Variants in CACNG2 observed in about 807,000 individuals in gnomAD.
CACNG2 encodes the protein calcium voltage-gated channel auxiliary subunit gamma 2.
In CACNG2, 3 loss-of-function variants were observed where a neutral mutation model predicts 25.9. The ratio of observed to expected loss-of-function variants is 0.12; its 90% CI spans 0.05 to 0.30. The LOEUF (loss-of-function observed/expected upper bound fraction) is 0.30. Ranked by LOEUF, CACNG2 falls within the 10% of genes least tolerant of loss-of-function variation. CACNG2 has a pLI of 1.00. For missense variants in CACNG2, 341 were observed against 432.5 expected (o/e 0.79, Z 1.88); for synonymous variants, 167 against 173.3 (o/e 0.96, Z 0.29).
intron 2 of CACNG2, among the ~76,000 whole-genome samples, chr22:36,574,449 G>C (rs1363822691): frequency 2.6e-5 from 4 of 152,144 alleles, no homozygotes; most frequent in Non-Finnish European, 5.9e-5. Context: ...AACCACTTAG[G>C]GGGACTGGGA....
At chr22:36,596,789 T>C (rs1045956484) in intron 1 of CACNG2, among the ~76,000 whole-genome samples, 2 of 151,998 alleles carry the variant, frequency 1.3e-5, no homozygotes, top group African/African-American at 4.8e-5. Flanking sequence ...ACAGGGTCTC[T>C]CTCTGTTGCC....
At chr22:36,625,179 C>A (rs540049256) in intron 1 of CACNG2, among the ~76,000 whole-genome samples, 2 of 152,004 alleles carry the variant, frequency 1.3e-5, no homozygotes, top group African/African-American at 4.8e-5. Flanking sequence ...GAATGCAGGA[C>A]GTTTCAAAAA....
intron 2 of CACNG2, among the ~76,000 whole-genome samples, chr22:36,576,799 ACACTGAT>A (rs1935324014): frequency 6.6e-6 from 1 of 152,024 alleles, no homozygotes; most frequent in Non-Finnish European, 1.5e-5. Flanking sequence ...TGTGATGGGG[ACACTGAT>A]CATCTCACCC....
intron 1 of CACNG2, among the ~76,000 whole-genome samples, chr22:36,702,015 C>G (rs1409092505): frequency 2.0e-5 from 3 of 152,088 alleles, no homozygotes; most frequent in Non-Finnish European, 4.4e-5. Flanking sequence ...ATTTTACCCT[C>G]TCATAGATGG....
intron 1 of CACNG2, among the ~76,000 whole-genome samples, chr22:36,656,033 C>G (rs897029182): frequency 6.6e-6 from 1 of 152,088 alleles, no homozygotes; most frequent in Non-Finnish European, 1.5e-5. Context: ...GTCTTGAACT[C>G]CTGACCTCAG....
Position 36,564,640 on chromosome 22 carries a change from C to G in CACNG2, c.683G>C (p.Ser228Thr), listed in dbSNP as rs1250674878. The change falls in exon 4 of 4, where the codon AGC becomes ACC. Residue 228 changes from serine to threonine, a missense_variant. This residue lies in a region of CACNG2 where 172 missense variants were observed against 178.1 expected (regional missense o/e 0.97). Transcript: ENST00000300105. The surrounding 1 kb of genome is among the most constrained non-coding windows in gnomAD (Gnocchi z 6.7). ...LQASAITRIP[S>T]YRYRYQRRSR... is the part of the protein sequence containing the mutation. ...GCGGCGCTGGTAGCGGTAGCGGTAG[C>G]TGGGGATGCGGGTGATGGCAGAGGC... The G allele has an allele frequency of 6.2e-7, 1 of 1,613,746 alleles. No individual in the cohort carries two copies. The highest frequency in any genetic ancestry group is 1.7e-5 in the Admixed American group (1 of 59,994).
At chr22:36,575,580 A>G (rs1935299474) in intron 2 of CACNG2, among the ~76,000 whole-genome samples, 1 of 151,616 alleles carries the variant, frequency 6.6e-6, no homozygotes, top group South Asian at 2.1e-4. Flanking sequence ...CCTGCTGTGC[A>G]CTCTTTGCCT....
rs148309106 is a variant in CACNG2, at chr22:36,691,080, G to A, written c.211+11286C>T. Among the ~76,000 whole-genome samples, 5 of 152,322 alleles carry A rather than the reference G, an allele frequency of 3.3e-5. 1 individual carries two copies. The highest frequency in any genetic ancestry group is 6.8e-3 in the Middle Eastern group (2 of 294). Reference sequence around the variant, plus strand: ...CCTAGGACAGCACCTGGCAATGGTAGTAACTTGGTAAATTTTGTTGAAGAA... The same window carrying A: ...CCTAGGACAGCACCTGGCAATGGTAATAACTTGGTAAATTTTGTTGAAGAA... On this transcript the variant is annotated intron_variant, in intron 1 of 3. Coordinates refer to ENST00000300105, the MANE Select transcript of CACNG2 (RefSeq NM_006078.5).
intron 1 of CACNG2, among the ~76,000 whole-genome samples, chr22:36,621,714 C>T (rs988818227): frequency 1.7e-4 from 26 of 152,186 alleles, no homozygotes; most frequent in African/African-American, 6.0e-4. Flanking sequence ...GCACATACTC[C>T]CCTGTGCTCC....
chr22:36,637,643 A>G (rs920043047), intron 1 of CACNG2, among the ~76,000 whole-genome samples: 2 of 152,254 alleles, frequency 1.3e-5, no homozygotes, highest in African/African-American at 4.8e-5. Flanking sequence ...CTTATTTTCC[A>G]GTTGAAGAAA....
intron 2 of CACNG2, among the ~76,000 whole-genome samples, chr22:36,586,601 C>A (rs1164022656): frequency 2.0e-5 from 3 of 152,142 alleles, no homozygotes; most frequent in Non-Finnish European, 4.4e-5. Context: ...CTACATGCTT[C>A]ATAAAAGTGA....
At chr22:36,674,314 A>T (rs1936994296) in intron 1 of CACNG2, among the ~76,000 whole-genome samples, 1 of 152,094 alleles carries the variant, frequency 6.6e-6, no homozygotes, top group African/African-American at 2.4e-5. Context: ...TTTCATTCTT[A>T]AACTACACCT....
chr22:36,612,251 A>G (rs1482811751), intron 1 of CACNG2, among the ~76,000 whole-genome samples: 2 of 152,222 alleles, frequency 1.3e-5, no homozygotes, highest in African/African-American at 2.4e-5. Flanking sequence ...GAATACAATG[A>G]TAAGTATCTA....
At chr22:36,683,853 A>AC (rs1350219603) in intron 1 of CACNG2, among the ~76,000 whole-genome samples, 3 of 151,250 alleles carry the variant, frequency 2.0e-5, no homozygotes, top group Non-Finnish European at 2.9e-5. Context: ...CTCTCTCTCC[A>AC]CCCCCCGCGA....
chr22:36,595,241 T>C (rs1003776408), intron 1 of CACNG2, among the ~76,000 whole-genome samples: 2 of 152,048 alleles, frequency 1.3e-5, no homozygotes, highest in African/African-American at 4.8e-5. Context: ...ACACTGTCCC[T>C]GGGGGTGGGA....
intron 1 of CACNG2, among the ~76,000 whole-genome samples, chr22:36,620,216 T>C (rs1441777700): frequency 6.6e-6 from 1 of 152,224 alleles, no homozygotes; most frequent in African/African-American, 2.4e-5. Context: ...AGACAAGTAG[T>C]TGGACACCTC....
intron 1 of CACNG2, among the ~76,000 whole-genome samples, chr22:36,690,343 G>A (rs541808439): frequency 7.0e-6 from 1 of 142,112 alleles, no homozygotes; most frequent in African/African-American, 2.6e-5. Flanking sequence ...AGGGCCCAGG[G>A]TTACAAAAAT....
chr22:36,700,600 G>A (rs773143303), intron 1 of CACNG2, among the ~76,000 whole-genome samples: 13 of 151,968 alleles, frequency 8.6e-5, no homozygotes, highest in African/African-American at 2.9e-4. Flanking sequence ...CTTCTCTTTC[G>A]GAATAAAAGT....
chr22:36,651,456 T>C (rs906411580), intron 1 of CACNG2, among the ~76,000 whole-genome samples: 10 of 152,094 alleles, frequency 6.6e-5, no homozygotes, highest in African/African-American at 2.4e-4. Context: ...CTCGAACTCC[T>C]GACCTCCAGT....
Sources: allele counts gnomAD v4.1 joint callset (sites outside exome capture counted in the v4.1 genomes callset), GRCh38; gene constraint gnomAD v4.1.1; regional missense constraint gnomAD v4.1.1; non-coding constraint Gnocchi (gnomAD v3.1); transcripts MANE v1.5; gene names NCBI Gene and HGNC (gene_info 2026-07-23, HGNC 2026-07-21).